PDZD2: variants seen among roughly 807,000 people sequenced by gnomAD.
PDZD2 encodes PDZ domain containing 2.
PDZD2 carries 90 observed loss-of-function variants against 220.7 expected under a neutral mutation model. That is an observed-to-expected ratio of 0.41 (90% CI 0.34 to 0.49). PDZD2 has a LOEUF of 0.49. Ranked by LOEUF, PDZD2 falls within the 20% of genes least tolerant of loss-of-function variation. PDZD2 has a pLI of 0.28. For missense variants in PDZD2, 3,174 were observed against 3,608.5 expected, an observed-to-expected ratio of 0.88 and a Z score of 3.08; for synonymous variants, 1,375 against 1,450.5, an observed-to-expected ratio of 0.95 and a Z score of 1.18.
In PDZD2 at chr5:32,098,182, C is replaced by T. The variant is rs954923809; in HGVS notation, c.7948-182C>T. Among the ~76,000 whole-genome samples the T allele has an allele frequency of 1.3e-5, 2 of 152,098 alleles. No homozygotes were observed. Among genetic ancestry groups the T allele is most frequent in the Non-Finnish European group, 2.9e-5 (2 of 68,012 alleles). On this transcript the variant is annotated intron_variant, in intron 22 of 24. Transcript: ENST00000438447. This position sits in a 1 kb window ranked among gnomAD's most constrained non-coding sequence, Gnocchi z 4.1. ...CTGAGGCAGGAGAATCGCTTGAACC[C>T]GGGAGGCTGAGATTGCACCACTGTA...
intron 1 of PDZD2, among the ~76,000 whole-genome samples, chr5:31,672,472 G>T (rs1301494488): frequency 6.6e-6 from 1 of 152,148 alleles, no homozygotes; most frequent in Non-Finnish European, 1.5e-5. Flanking sequence ...GGAATCCATG[G>T]CTGCTGCTTC....
chr5:32,045,649 G>A lies in PDZD2; in HGVS notation c.1520-2890G>A, dbSNP rs554269646. Among the ~76,000 whole-genome samples the A allele has an allele frequency of 7.5e-4, 112 of 149,850 alleles. No homozygotes were observed. In the South Asian group the frequency reaches 0.01, roughly 14 times the overall value. ...TCACCATGTTGGCCAGGATGGTCTC[G>A]ATCTCATGACCTTGTGATCCACCTG... On this transcript the variant is annotated intron_variant, in intron 7 of 24. Coordinates refer to ENST00000438447, the MANE Select transcript of PDZD2 (RefSeq NM_178140.4).
At chr5:31,926,526 GAAAAAAA>G (rs71300157) in intron 2 of PDZD2, among the ~76,000 whole-genome samples, 4 of 83,996 alleles carry the variant, frequency 4.8e-5, no homozygotes, top group African/African-American at 8.2e-5. Context: ...AACTGCATCT[GAAAAAAA>G]AAAAAAAAAA....
chr5:32,044,692 A>G lies in PDZD2; in HGVS notation c.1520-3847A>G, dbSNP rs1737758948. Among the ~76,000 whole-genome samples, 10 of 152,338 alleles carry G rather than the reference A, an allele frequency of 6.6e-5. 2 individuals are homozygous for G. In the South Asian group the frequency reaches 2.1e-3, roughly 32 times the overall value. The stretch of plus-strand genomic sequence containing the variant: ...AGAGTTTGTCAGAGTCATTAGGGAA[A>G]CGGACATAGCAGAATTTTTGGGTGG... On this transcript the variant is annotated intron_variant, in intron 7 of 24. Transcript: ENST00000438447.
intron 1 of PDZD2, among the ~76,000 whole-genome samples, chr5:31,705,998 G>A (rs1164726023): frequency 2.0e-5 from 3 of 151,762 alleles, no homozygotes; most frequent in Non-Finnish European, 2.9e-5. Context: ...GTTGCAGTGA[G>A]CCAAGATTAT....
At chr5:31,828,857 A>G (rs1756386309) in intron 2 of PDZD2, among the ~76,000 whole-genome samples, 1 of 152,228 alleles carries the variant, frequency 6.6e-6, no homozygotes, top group Non-Finnish European at 1.5e-5. Context: ...AGAATTCTTT[A>G]TATAGCCTAG....
In PDZD2 at chr5:32,080,150, C is replaced by A. The variant is rs186072544; in HGVS notation, c.3682+2544C>A. Among the ~76,000 whole-genome samples the A allele has an allele frequency of 2.7e-3, 413 of 152,122 alleles. 3 individuals carry two copies. The highest frequency in any genetic ancestry group is 9.3e-3 in the African/African-American group (385 of 41,496). The stretch of plus-strand genomic sequence containing the variant: ...GATCACAAGGTCAGGAGATCGAGAC[C>A]ATCCTGGCTAACACAGTGAAACCCC... On this transcript the variant is annotated intron_variant, in intron 19 of 24. Transcript: ENST00000438447.
intron 1 of PDZD2, among the ~76,000 whole-genome samples, chr5:31,666,796 C>T (rs977728377): frequency 1.3e-5 from 2 of 152,148 alleles, no homozygotes; most frequent in Admixed American, 6.5e-5. Context: ...ATATGGGGTC[C>T]GTCTTTAAGA....
chr5:31,949,384 A>G (rs1746970686), intron 2 of PDZD2, among the ~76,000 whole-genome samples: 1 of 152,192 alleles, frequency 6.6e-6, no homozygotes. Flanking sequence ...TGCAACAGAA[A>G]ACAATTCTGG....
At chr5:31,713,252 C>G in intron 1 of PDZD2, among the ~76,000 whole-genome samples, 1 of 152,248 alleles carries the variant, frequency 6.6e-6, no homozygotes, top group East Asian at 1.9e-4. Flanking sequence ...TGGCTTCCTT[C>G]TCAGCGACTG....
At chr5:31,729,883 A>G (rs1229984132) in intron 1 of PDZD2, among the ~76,000 whole-genome samples, 1 of 152,176 alleles carries the variant, frequency 6.6e-6, no homozygotes, top group Non-Finnish European at 1.5e-5. Context: ...GCTGGAGGGC[A>G]GTGGTGCGAT....
chr5:31,675,969 T>C (rs1746396449), intron 1 of PDZD2, among the ~76,000 whole-genome samples: 1 of 152,236 alleles, frequency 6.6e-6, no homozygotes, highest in South Asian at 2.1e-4. Context: ...CCCAAAGTGT[T>C]GGGATTACAG....
chr5:32,010,087 A>AAAAAAAAAAAAG (rs1194656366), intron 5 of PDZD2, among the ~76,000 whole-genome samples: 1 of 151,764 alleles, frequency 6.6e-6, no homozygotes, highest in African/African-American at 2.4e-5. Context: ...ACTGTCTCAA[A>AAAAAAAAAAAAG]AAAAAGAAAA....
intron 2 of PDZD2, among the ~76,000 whole-genome samples, chr5:31,803,031 G>A (rs554008160): frequency 6.6e-6 from 1 of 151,900 alleles, no homozygotes; most frequent in South Asian, 2.1e-4. Context: ...ACAGGGAAGT[G>A]CAGGGGTCAG....
intron 10 of PDZD2, among the ~76,000 whole-genome samples, chr5:32,057,034 T>C (rs1388133886): frequency 6.6e-6 from 1 of 152,084 alleles, no homozygotes; most frequent in East Asian, 1.9e-4. Flanking sequence ...GCAGAGGTTG[T>C]AGTGAGCTGA....
At chr5:32,062,164 T>C (rs1739751407) in intron 14 of PDZD2, among the ~76,000 whole-genome samples, 1 of 152,242 alleles carries the variant, frequency 6.6e-6, no homozygotes, top group Non-Finnish European at 1.5e-5. Flanking sequence ...CTGTTTATCT[T>C]ATCAAATGAT....
intron 1 of PDZD2, among the ~76,000 whole-genome samples, chr5:31,736,685 C>T (rs1162255101): frequency 1.3e-5 from 2 of 152,168 alleles, no homozygotes; most frequent in Non-Finnish European, 2.9e-5. Context: ...TATGGTGCTG[C>T]CTAACCTGAA....
intron 2 of PDZD2, among the ~76,000 whole-genome samples, chr5:31,912,351 A>G (rs1035247834): frequency 6.6e-5 from 10 of 152,122 alleles, no homozygotes; most frequent in Non-Finnish European, 1.5e-4. Context: ...CTCCTCTTTC[A>G]TGACCTTATC....
At chr5:32,050,944 C>T (rs750605478) in intron 8 of PDZD2, among the ~76,000 whole-genome samples, 10 of 152,148 alleles carry the variant, frequency 6.6e-5, no homozygotes, top group Non-Finnish European at 1.3e-4. Context: ...TATATGTCTA[C>T]TGAGCACATG....
Sources: gnomAD v4.1 joint callset for allele counts (sites outside exome capture counted in the v4.1 genomes callset) on GRCh38, gnomAD v4.1.1 for gene constraint, Gnocchi (gnomAD v3.1) non-coding constraint, MANE v1.5 for transcripts, NCBI Gene and HGNC (gene_info 2026-07-23, HGNC 2026-07-21) for gene names.